The following TAF1B variants were observed in gnomAD, a reference collection of about 807,000 sequenced individuals.
The protein encoded by TAF1B is TATA-box binding protein associated factor, RNA polymerase I subunit B.
In TAF1B, 61 loss-of-function variants were observed where a neutral mutation model predicts 83.9. The observed-to-expected ratio is 0.73, with a 90% CI of 0.59 to 0.90. TAF1B has a LOEUF of 0.90. Among genes scored for constraint, TAF1B ranks in the 40% least tolerant of loss-of-function variants. The pLI, the probability that TAF1B is intolerant of heterozygous loss-of-function variation, is 0.00. For synonymous variants in TAF1B, 221 were observed against 224.6 expected (o/e 0.98, Z 0.14); for missense variants, 625 against 677.0 (o/e 0.92, Z 0.85).
intron 8 of TAF1B, among the ~76,000 whole-genome samples, chr2:9,884,384 G>A (rs1322347152): frequency 2.6e-5 from 4 of 152,214 alleles, no homozygotes; most frequent in African/African-American, 9.6e-5. Context: ...TTTCAGACCT[G>A]TTTGTGTTAC....
At chr2:9,876,081 C>A in intron 7 of TAF1B, 63 bp downstream of exon 7, 1 of 1,452,198 alleles carries the variant, frequency 6.9e-7, no homozygotes, top group Non-Finnish European at 9.2e-7. Context: ...AGTAGACAAA[C>A]TTCGGATATT....
chr2:9,889,214 T>A (rs977426359), intron 8 of TAF1B, among the ~76,000 whole-genome samples: 1 of 152,130 alleles, frequency 6.6e-6, no homozygotes, highest in African/African-American at 2.4e-5. Flanking sequence ...TGCCTTTTTC[T>A]GGGATACTAA....
At position 9,849,472 on chromosome 2, in the gene TAF1B, C is replaced by T; in HGVS notation, c.205+12C>T. On this transcript the variant is annotated intron_variant, in intron 3 of 14. Transcript: ENST00000263663. ...AAAAAACAATACTGGTAAGTTCTTT[C>T]TTCATATGTACTTAACATTCTTTAT... is the stretch of plus-strand genomic sequence containing the variant. 6.6e-7 allele frequency: 1 copy of T among 1,513,190 alleles called. No individual in the cohort carries two copies. The highest frequency in any genetic ancestry group is 8.9e-7 in the Non-Finnish European group (1 of 1,125,400). 93.7% of individuals were successfully genotyped at this position (1,513,190 alleles called of 1,614,324 possible).
intron 11 of TAF1B, among the ~76,000 whole-genome samples, chr2:9,912,094 T>TA (rs1333475130): frequency 6.6e-6 from 1 of 152,226 alleles, no homozygotes; most frequent in Non-Finnish European, 1.5e-5. Flanking sequence ...GCTAGATGTT[T>TA]AGTGCCTTGA....
At chr2:9,869,095 A>G (rs891891153) in intron 6 of TAF1B, among the ~76,000 whole-genome samples, 1 of 152,226 alleles carries the variant, frequency 6.6e-6, no homozygotes, top group African/African-American at 2.4e-5. Flanking sequence ...CCTGAGCTCA[A>G]ATATTCCCAG....
At chr2:9,848,878 G>A (rs1663292174) in intron 2 of TAF1B, among the ~76,000 whole-genome samples, 1 of 152,110 alleles carries the variant, frequency 6.6e-6, no homozygotes, top group Admixed American at 6.6e-5. Context: ...CTCTAAGTTT[G>A]ATTAAAAATA....
At chr2:9,852,585 G>A (rs375383782) in intron 4 of TAF1B, among the ~76,000 whole-genome samples, 3 of 152,022 alleles carry the variant, frequency 2.0e-5, no homozygotes, top group East Asian at 3.9e-4. Flanking sequence ...TCCACCTCCC[G>A]TGTTCAAGCA....
At chr2:9,930,760 A>G (rs1162292655) in intron 14 of TAF1B, among the ~76,000 whole-genome samples, 1 of 152,184 alleles carries the variant, frequency 6.6e-6, no homozygotes, top group East Asian at 1.9e-4. Context: ...TCTAATACTG[A>G]CAGTGGGTTG....
At position 9,866,762 on chromosome 2, in the gene TAF1B, A is replaced by G. The variant is rs556894141; in HGVS notation, c.400-1514A>G. Reference sequence around the variant, plus strand: ...CATGGAATACTATGCAGCCATAAAAAATGATGAATTCATGTCCTTTGTAGG... The same window carrying G: ...CATGGAATACTATGCAGCCATAAAAGATGATGAATTCATGTCCTTTGTAGG... On this transcript the variant is annotated intron_variant, in intron 5 of 14. Coordinates refer to ENST00000263663, the MANE Select transcript of TAF1B (RefSeq NM_005680.3). 2.2e-3 allele frequency among the ~76,000 whole-genome samples: 339 copies of G among 152,336 alleles called. 4 individuals carry two copies. The highest frequency in any genetic ancestry group is 7.9e-3 in the African/African-American group (329 of 41,566).
Position 9,933,772 on chromosome 2 carries a change from T to C in TAF1B, c.1566-11T>C, listed in dbSNP as rs1235159278. 1.9e-6 allele frequency: 3 copies of C among 1,595,384 alleles called. No homozygotes were observed. The highest frequency in any genetic ancestry group is 2.6e-6 in the Non-Finnish European group (3 of 1,171,980). On this transcript the variant is annotated splice_polypyrimidine_tract_variant and intron_variant, in intron 14 of 14. Transcript: ENST00000263663. ...TCTAAAGATAAATTCTTTTTTCTTT[T>C]TCCCTTCTAGCTATTGTACACATGT...
intron 7 of TAF1B, among the ~76,000 whole-genome samples, chr2:9,877,846 CCTCT>C (rs753251828): frequency 5.3e-5 from 8 of 151,258 alleles, no homozygotes; most frequent in Non-Finnish European, 8.9e-5. Flanking sequence ...CCTCTTTTCT[CCTCT>C]CTCTCTCTTT....
intron 2 of TAF1B, among the ~76,000 whole-genome samples, chr2:9,848,932 T>A (rs1386338922): frequency 1.3e-5 from 2 of 152,228 alleles, no homozygotes; most frequent in East Asian, 3.8e-4. Flanking sequence ...GAAAGCAGTT[T>A]TAGAGTATTA....
At chr2:9,911,763 A>G (rs1441970689) in intron 11 of TAF1B, among the ~76,000 whole-genome samples, 1 of 152,162 alleles carries the variant, frequency 6.6e-6, no homozygotes, top group Non-Finnish European at 1.5e-5. Context: ...AGTCCGTATT[A>G]TATGTAAGAC....
chr2:9,927,257 A>G (rs184919888), intron 14 of TAF1B, among the ~76,000 whole-genome samples: 1 of 152,158 alleles, frequency 6.6e-6, no homozygotes, highest in Non-Finnish European at 1.5e-5. Flanking sequence ...CATTTTCTTA[A>G]TCCAGTCTAT....
At chr2:9,933,661 GGTCCT>G in intron 14 of TAF1B, 117 bp from the exon 15 acceptor site, 1 of 750,890 alleles carries the variant, frequency 1.3e-6, no homozygotes, top group Non-Finnish European at 2.1e-6. Flanking sequence ...TCCAGCTCAG[GGTCCT>G]GTTTTAAGCC....
chr2:9,891,821 T>C (rs1664882218), intron 8 of TAF1B, among the ~76,000 whole-genome samples: 1 of 152,020 alleles, frequency 6.6e-6, no homozygotes, highest in Non-Finnish European at 1.5e-5. Flanking sequence ...AAGAAAACAT[T>C]TTTGTATAGC....
At chr2:9,932,267 C>T (rs1286245215) in intron 14 of TAF1B, among the ~76,000 whole-genome samples, 1 of 152,204 alleles carries the variant, frequency 6.6e-6, no homozygotes, top group Non-Finnish European at 1.5e-5. Context: ...TTAGAATTTT[C>T]AGCTTTTCTG....
At chr2:9,845,974 C>G (rs974959991) in intron 2 of TAF1B, 4 of 378,880 alleles carry the variant, frequency 1.1e-5, no homozygotes, top group African/African-American at 8.8e-5. Flanking sequence ...CAGAGCAAGA[C>G]TCTGTCTAAA....
rs754431314 is a variant in TAF1B at position 9,875,823 on chromosome 2, A to C, written c.554-42A>C. 36 of 1,531,456 alleles carry C rather than the reference A, an allele frequency of 2.4e-5. No individual in the cohort carries two copies. In the South Asian group the frequency reaches 2.5e-4, roughly 11 times the overall value. The allele number at this position is 1,531,456 out of a possible 1,614,324, so 94.9% of individuals were successfully genotyped here. ...TTGCTGTTTTTCTTTTGTTATCCAA[A>C]TAGTTCACTGGATTTTTAAAAATCT... On this transcript the variant is annotated intron_variant, in intron 6 of 14. Coordinates refer to ENST00000263663, the MANE Select transcript of TAF1B (RefSeq NM_005680.3).
Sources: gnomAD v4.1 joint callset for allele counts (sites outside exome capture counted in the v4.1 genomes callset) on GRCh38, gnomAD v4.1.1 for gene constraint, MANE v1.5 for transcripts, NCBI Gene and HGNC (gene_info 2026-07-23, HGNC 2026-07-21) for gene names.